The following GPATCH2 variants were observed in gnomAD, a reference collection of about 807,000 sequenced individuals.
The protein encoded by GPATCH2 is G patch domain-containing protein 2.
In GPATCH2, 51 loss-of-function variants were observed where a neutral mutation model predicts 58.0. That is an observed-to-expected ratio of 0.88 (90% confidence interval 0.70 to 1.11). GPATCH2 has a LOEUF of 1.11. Among genes scored for constraint, GPATCH2 ranks in the 50% most tolerant of loss-of-function variants. GPATCH2 has a pLI of 0.00. For synonymous variants in GPATCH2, 222 were observed against 218.5 expected (o/e 1.02, Z -0.14); for missense variants, 625 against 652.2 (o/e 0.96, Z 0.45).
intron 5 of GPATCH2, among the ~76,000 whole-genome samples, chr1:217,548,231 G>A (rs1317674667): frequency 6.6e-6 from 1 of 152,114 alleles, no homozygotes; most frequent in African/African-American, 2.4e-5. Context: ...GACACACAGA[G>A]AGGAAAAACA....
intron 5 of GPATCH2, 140 bp from the exon 6 acceptor site, chr1:217,515,029 G>T (rs1409334073): frequency 3.4e-6 from 2 of 596,288 alleles, no homozygotes; most frequent in Non-Finnish European, 6.1e-6. Context: ...ACACTGTGTG[G>T]ATCAAAAGTA....
chr1:217,503,384 T>C (rs1558439657), intron 6 of GPATCH2, among the ~76,000 whole-genome samples: 1 of 151,904 alleles, frequency 6.6e-6, no homozygotes, highest in Non-Finnish European at 1.5e-5. Flanking sequence ...TTTCAAAGTA[T>C]GAGAGACAGA....
At chr1:217,566,003 A>C (rs1666209431) in intron 5 of GPATCH2, among the ~76,000 whole-genome samples, 1 of 146,570 alleles carries the variant, frequency 6.8e-6, no homozygotes, top group African/African-American at 2.5e-5. Flanking sequence ...AGGGAGGCTG[A>C]GGCAGGAGAA....
At chr1:217,525,087 C>A (rs1274358263) in intron 5 of GPATCH2, among the ~76,000 whole-genome samples, 1 of 150,922 alleles carries the variant, frequency 6.6e-6, no homozygotes, top group Non-Finnish European at 1.5e-5. Flanking sequence ...CCTAAATATA[C>A]TCTATTAAAA....
chr1:217,581,459 TCTCATGTTGA>T (rs1571957667), intron 5 of GPATCH2, among the ~76,000 whole-genome samples: 2 of 152,298 alleles, frequency 1.3e-5, no homozygotes, highest in East Asian at 3.9e-4. Flanking sequence ...TGAAACTGTG[TCTCATGTTGA>T]CTCCAAAGAT....
intron 7 of GPATCH2, 126 bp downstream of exon 7, chr1:217,498,230 A>T: frequency 1.2e-6 from 1 of 806,230 alleles, no homozygotes; most frequent in Non-Finnish European, 2.2e-6. Flanking sequence ...TGACATAATT[A>T]ACACCTTTTA....
At chr1:217,561,525 CCTT>C (rs1429265860) in intron 5 of GPATCH2, among the ~76,000 whole-genome samples, 1 of 152,172 alleles carries the variant, frequency 6.6e-6, no homozygotes, top group Non-Finnish European at 1.5e-5. Flanking sequence ...AGTAGAAACT[CCTT>C]CTCTTTTTAA....
intron 8 of GPATCH2, among the ~76,000 whole-genome samples, chr1:217,462,097 C>T (rs911827404): frequency 6.6e-6 from 1 of 152,126 alleles, no homozygotes; most frequent in Non-Finnish European, 1.5e-5. Context: ...ATAGTTTTGA[C>T]ATTAAGATCT....
At position 217,429,357 on chromosome 1, in the gene GPATCH2, C is replaced by T. The variant is rs1012916387; in HGVS notation, c.*1788G>A. ...TCCATAGTTCCCTAACCAACCTGTCCTCTAGGTACAATATCCCTGGGAAAG... is the reference window on the plus strand; with the variant it reads ...TCCATAGTTCCCTAACCAACCTGTCTTCTAGGTACAATATCCCTGGGAAAG... On this transcript the variant is annotated 3_prime_UTR_variant, in exon 10 of 10. Coordinates refer to ENST00000366935, the MANE Select transcript of GPATCH2 (RefSeq NM_018040.5). The T allele has an allele frequency of 6.6e-6, 1 of 152,108 alleles. No homozygotes were observed. The highest frequency in any genetic ancestry group is 6.5e-5 in the Admixed American group (1 of 15,272). 9.4% of individuals were successfully genotyped at this position (152,108 alleles called of 1,614,324 possible). A position where few individuals can be genotyped will look rare whatever the true frequency, so the allele number is the denominator to read the frequency against.
chr1:217,493,398 T>C (rs531252194), intron 7 of GPATCH2, among the ~76,000 whole-genome samples: 3 of 152,244 alleles, frequency 2.0e-5, no homozygotes, highest in Admixed American at 6.5e-5. Flanking sequence ...AAGTTCTTAG[T>C]TTGGGGTATG....
At chr1:217,495,034 TG>T in intron 7 of GPATCH2, 1 of 540,160 alleles carries the variant, frequency 1.9e-6, no homozygotes, top group Non-Finnish European at 2.4e-6. Context: ...TTCAGATTGC[TG>T]GACTTAGGCC....
chr1:217,542,668 T>A (rs778772640), intron 5 of GPATCH2, among the ~76,000 whole-genome samples: 2 of 152,196 alleles, frequency 1.3e-5, no homozygotes, highest in Non-Finnish European at 2.9e-5. Flanking sequence ...TCTAAGCCAA[T>A]AAACATCTAT....
At chr1:217,444,304 C>T (rs1659281421) in intron 9 of GPATCH2, among the ~76,000 whole-genome samples, 1 of 152,126 alleles carries the variant, frequency 6.6e-6, no homozygotes, top group South Asian at 2.1e-4. Context: ...ACTCCCTGTC[C>T]ACGGGGGAAC....
intron 1 of GPATCH2, among the ~76,000 whole-genome samples, chr1:217,622,353 G>A (rs1018078118): frequency 1.3e-5 from 2 of 152,112 alleles, no homozygotes; most frequent in African/African-American, 4.8e-5. Flanking sequence ...ATGGCATTGC[G>A]GTTTGGTTAA....
chr1:217,503,318 T>C (rs1361323416), intron 6 of GPATCH2, among the ~76,000 whole-genome samples: 3 of 152,058 alleles, frequency 2.0e-5, no homozygotes, highest in Non-Finnish European at 2.9e-5. Context: ...TATAATATCA[T>C]GGTAGGATGG....
At chr1:217,627,524 G>C (rs965239219) in intron 1 of GPATCH2, among the ~76,000 whole-genome samples, 1 of 151,996 alleles carries the variant, frequency 6.6e-6, no homozygotes, top group Admixed American at 6.5e-5. Flanking sequence ...ATATACATAT[G>C]TAAAGTTAAA....
At chr1:217,545,027 TG>T (rs2102652722) in intron 5 of GPATCH2, among the ~76,000 whole-genome samples, 1 of 152,198 alleles carries the variant, frequency 6.6e-6, no homozygotes, top group East Asian at 1.9e-4. Context: ...AACATCTCCC[TG>T]TCTACTGGAG....
intron 8 of GPATCH2, among the ~76,000 whole-genome samples, chr1:217,460,643 G>A (rs987667862): frequency 2.0e-5 from 3 of 152,248 alleles, no homozygotes; most frequent in African/African-American, 7.2e-5. Flanking sequence ...GGAGCAGTGG[G>A]AGGAGATGAC....
At chr1:217,619,758 T>A (rs573122623) in intron 2 of GPATCH2, 25 bp downstream of exon 2, 3 of 914,064 alleles carry the variant, frequency 3.3e-6, no homozygotes, top group Non-Finnish European at 4.8e-6. Flanking sequence ...TAAATATTTT[T>A]ATATTTAGAG....
Sources: gnomAD v4.1 joint callset for allele counts (sites outside exome capture counted in the v4.1 genomes callset) on GRCh38, gnomAD v4.1.1 for gene constraint, MANE v1.5 for transcripts, NCBI Gene and HGNC (gene_info 2026-07-23, HGNC 2026-07-21) for gene names.